TANC2: variants seen among roughly 807,000 people sequenced by gnomAD.
The protein encoded by TANC2 is tetratricopeptide repeat, ankyrin repeat and coiled-coil containing 2.
Under a neutral mutation model 210.5 loss-of-function variants are expected in TANC2, and 26 were observed. The ratio of observed to expected loss-of-function variants is 0.12; its 90% CI spans 0.09 to 0.17. The LOEUF (loss-of-function observed/expected upper bound fraction) is 0.17. TANC2 is among the 10% of genes least tolerant of loss of function. The pLI, the probability that TANC2 is intolerant of heterozygous loss-of-function variation, is 1.00. For missense variants in TANC2, 2,129 were observed against 2,608.9 expected, an observed-to-expected ratio of 0.82 and a Z score of 4.01; for synonymous variants, 931 against 967.1, an observed-to-expected ratio of 0.96 and a Z score of 0.69.
At chr17:63,138,096 A>C (rs568553980) in intron 4 of TANC2, among the ~76,000 whole-genome samples, 39 of 152,306 alleles carry the variant, frequency 2.6e-4, no homozygotes, top group Non-Finnish European at 5.1e-4. Context: ...TTCCAGTTCC[A>C]GACGTTTCGC....
Position 63,421,415 on chromosome 17 carries a change from A to G in TANC2, c.5685A>G (p.Pro1895=). 1 of 1,613,928 alleles carries G rather than the reference A, an allele frequency of 6.2e-7. No homozygotes were observed. The highest frequency in any genetic ancestry group is 8.5e-7 in the Non-Finnish European group (1 of 1,179,872). ...CTTCCATCCAGCAAATGGAGATCCCACTGAAACCTGCATATGAGAGGTCAT... is the reference window on the plus strand; with the variant it reads ...CTTCCATCCAGCAAATGGAGATCCCGCTGAAACCTGCATATGAGAGGTCAT... Residue 1895 remains proline (P), a synonymous_variant, in exon 28 of 28, where the codon CCA becomes CCG. Transcript: ENST00000689528. This position sits in a 1 kb window ranked among gnomAD's most constrained non-coding sequence, Gnocchi z 6.9.
At chr17:63,389,836 C>A in intron 17 of TANC2, 1 of 373,282 alleles carries the variant, frequency 2.7e-6, no homozygotes. Context: ...TCAGAAGAAG[C>A]CTCTTTTTAA....
At chr17:63,214,338 C>T (rs920069977) in intron 7 of TANC2, among the ~76,000 whole-genome samples, 1 of 152,144 alleles carries the variant, frequency 6.6e-6, no homozygotes, top group African/African-American at 2.4e-5. Flanking sequence ...CAGTCTGAAG[C>T]CAGAGGCATT....
chr17:63,161,859 A>C (rs1436516620), intron 5 of TANC2, among the ~76,000 whole-genome samples: 1 of 152,152 alleles, frequency 6.6e-6, no homozygotes, highest in Non-Finnish European at 1.5e-5. Context: ...AAATATTTTT[A>C]ATACTAGCCC....
At chr17:63,240,476 T>A (rs181569927) in intron 8 of TANC2, among the ~76,000 whole-genome samples, 2 of 152,316 alleles carry the variant, frequency 1.3e-5, no homozygotes, top group Admixed American at 1.3e-4. Flanking sequence ...ATCAAGGACC[T>A]TCTCATTTGT....
chr17:63,353,287 A>G (rs1395291677), intron 13 of TANC2, among the ~76,000 whole-genome samples: 1 of 152,170 alleles, frequency 6.6e-6, no homozygotes, highest in African/African-American at 2.4e-5. Flanking sequence ...TCAGCAAGAG[A>G]GAAGACTCAA....
At chr17:63,096,891 A>AT (rs141717955) in intron 3 of TANC2, among the ~76,000 whole-genome samples, 4,479 of 151,720 alleles carry the variant, frequency 0.03, 79 homozygotes, top group South Asian at 0.037. Flanking sequence ...TTGTTCTCCT[A>AT]TTTTTTTATT....
At chr17:63,012,810 C>G (rs1011964547) in intron 2 of TANC2, among the ~76,000 whole-genome samples, 1 of 152,074 alleles carries the variant, frequency 6.6e-6, no homozygotes. Flanking sequence ...TACCACCGCA[C>G]CTGGCTAATT....
Position 63,418,715 on chromosome 17 carries a change from A to G in TANC2, c.4268+308A>G, listed in dbSNP as rs1357252957. On this transcript the variant is annotated intron_variant, in intron 27 of 27. Coordinates refer to ENST00000689528, the Ensembl canonical transcript of TANC2. The surrounding 1 kb of genome is among the most constrained non-coding windows in gnomAD (Gnocchi z 4.6). ...TTCAACCCCCAGAGCAGCTAGCACA[A>G]AGAGACAACGGCGACTTAAAGAAAT... 2.0e-5 allele frequency among the ~76,000 whole-genome samples: 3 copies of G among 152,200 alleles called. No individual in the cohort carries two copies. The highest frequency in any genetic ancestry group is 7.2e-5 in the African/African-American group (3 of 41,446).
rs189670443 is a variant in TANC2 at position 63,331,386 on chromosome 17, C to T, written c.1576-8715C>T. Among the ~76,000 whole-genome samples, 179 of 152,246 alleles carry T rather than the reference C, an allele frequency of 1.2e-3. 1 individual carries two copies. Among genetic ancestry groups the T allele is most frequent in the African/African-American group, 4.1e-3 (172 of 41,552 alleles). On this transcript the variant is annotated intron_variant, in intron 11 of 27. Transcript: ENST00000689528. ...GTCTAAAGGCTTTTAGTGTACTTTA[C>T]CAAATAATTTCCAGAATAGCTTGAA...
chr17:63,322,298 A>G (rs1598851168), intron 11 of TANC2, among the ~76,000 whole-genome samples: 1 of 152,126 alleles, frequency 6.6e-6, no homozygotes, highest in Admixed American at 6.6e-5. Flanking sequence ...GGAGATCGAG[A>G]CCATCCTGGC....
chr17:63,411,740 C>G, intron 22 of TANC2, 54 bp downstream of exon 22: 1 of 1,556,592 alleles, frequency 6.4e-7, no homozygotes, highest in East Asian at 2.2e-5. Context: ...TATTCTCCAT[C>G]CATACTACCT....
At position 63,394,937 on chromosome 17, in the gene TANC2, A is replaced by G. The variant is rs750809000; in HGVS notation, c.3052-806A>G. The stretch of plus-strand genomic sequence containing the variant: ...ACTCTGTATTCAGTAAATATTCACT[A>G]TGTGGATGGCTGGATGGAACTGAAA... On this transcript the variant is annotated intron_variant, in intron 17 of 27. Transcript: ENST00000689528. 2.6e-5 allele frequency among the ~76,000 whole-genome samples: 4 copies of G among 152,314 alleles called. No homozygotes were observed. In the East Asian group the frequency reaches 5.8e-4, roughly 22 times the overall value.
At chr17:63,055,981 AAAAAAAAAAATATATATATATAT>A (rs1488096972) in intron 2 of TANC2, among the ~76,000 whole-genome samples, 586 of 33,584 alleles carry the variant, frequency 0.017, 9 homozygotes, top group Middle Eastern at 0.051. Flanking sequence ...AAAAAAAAAA[AAAAAAAAAAATATATATATATAT>A]ATATATATAT....
In TANC2 at chr17:63,421,999, T is replaced by G. The variant is rs367708685; in HGVS notation, c.*44T>G. On this transcript the variant is annotated 3_prime_UTR_variant, in exon 28 of 28. Coordinates refer to ENST00000689528, the Ensembl canonical transcript of TANC2. The surrounding 1 kb of genome is among the most constrained non-coding windows in gnomAD (Gnocchi z 6.9). ...GAGACCCATATGTTTTCACTGCACATTTTCAGGCTTGGTTTCCACATTCGA... is the reference window on the plus strand; with the variant it reads ...GAGACCCATATGTTTTCACTGCACAGTTTCAGGCTTGGTTTCCACATTCGA... The G allele has an allele frequency of 4.8e-4, 733 of 1,541,534 alleles. No individual in the cohort carries two copies. Among genetic ancestry groups the G allele is most frequent in the Non-Finnish European group, 5.8e-4 (669 of 1,145,260 alleles).
chr17:63,002,391 G>A (rs2033426358), intron 1 of TANC2, among the ~76,000 whole-genome samples: 1 of 152,122 alleles, frequency 6.6e-6, no homozygotes, highest in African/African-American at 2.4e-5. Context: ...ACAGTTTACT[G>A]TTAACATTTT....
chr17:63,229,169 A>C (rs773873232), intron 7 of TANC2, among the ~76,000 whole-genome samples: 9 of 152,144 alleles, frequency 5.9e-5, no homozygotes, highest in Non-Finnish European at 1.2e-4. Context: ...GGCCTTTTCT[A>C]CGTCTATTGA....
At position 63,419,962 on chromosome 17, in the gene TANC2, A is replaced by AG. The variant is rs2048972920; in HGVS notation, c.4269-37_4269-36insG. 3 of 1,496,514 alleles carry AG rather than the reference A, an allele frequency of 2.0e-6. No individual in the cohort carries two copies. The African/African-American group carries it at 4.2e-5, about 21-fold the overall frequency. The allele number at this position is 1,496,514 out of a possible 1,614,324, so 92.7% of individuals were successfully genotyped here. On this transcript the variant is annotated intron_variant, in intron 27 of 27. Transcript: ENST00000689528. ...TCTTGGTGATTTCTCTGGATTCAGA[A>AG]TAACTCCAGTTCCTGTGTTCACATT...
intron 4 of TANC2, among the ~76,000 whole-genome samples, chr17:63,133,263 C>T (rs760771437): frequency 2.0e-5 from 3 of 151,846 alleles, no homozygotes; most frequent in Admixed American, 6.6e-5. Flanking sequence ...TGTGCCACCA[C>T]GCCTGGCTAA....
Sources: gnomAD v4.1 joint callset for allele counts (sites outside exome capture counted in the v4.1 genomes callset) on GRCh38, gnomAD v4.1.1 for gene constraint, Gnocchi (gnomAD v3.1) non-coding constraint, MANE v1.5 for transcripts, NCBI Gene and HGNC (gene_info 2026-07-23, HGNC 2026-07-21) for gene names.